Variants in SLC12A6 observed in about 807,000 individuals in gnomAD.
The protein encoded by SLC12A6 is solute carrier family 12 member 6.
SLC12A6 carries 66 observed loss-of-function variants against 135.3 expected under a neutral mutation model. The ratio of observed to expected loss-of-function variants is 0.49; its 90% CI spans 0.40 to 0.60. SLC12A6 has a LOEUF of 0.60. Ranked by LOEUF, SLC12A6 falls within the 20% of genes least tolerant of loss-of-function variation. SLC12A6 has a pLI of 0.00. For synonymous variants in SLC12A6, 513 were observed against 508.8 expected (o/e 1.01, Z -0.11); for missense variants, 1,058 against 1,452.3 (o/e 0.73, Z 4.41).
intron 2 of SLC12A6, among the ~76,000 whole-genome samples, chr15:34,291,060 T>C (rs1337746776): frequency 6.6e-6 from 1 of 152,204 alleles, no homozygotes; most frequent in Non-Finnish European, 1.5e-5. Context: ...TTAATTGATG[T>C]AGTTTCTTCA....
chr15:34,312,062 T>C (rs529338556), intron 2 of SLC12A6, among the ~76,000 whole-genome samples: 11 of 152,378 alleles, frequency 7.2e-5, no homozygotes, highest in African/African-American at 2.4e-4. Context: ...CATAATCCCA[T>C]GTAATCCTCA....
chr15:34,256,420 T>C (rs552639067), intron 6 of SLC12A6, 137 bp from the exon 7 acceptor site: 20 of 693,308 alleles, frequency 2.9e-5, no homozygotes, highest in South Asian at 2.9e-4. Flanking sequence ...CCTAATGGTA[T>C]GGAAATAAGA....
chr15:34,272,639 C>G (rs1894042957), intron 3 of SLC12A6, among the ~76,000 whole-genome samples: 1 of 152,168 alleles, frequency 6.6e-6, no homozygotes, highest in Non-Finnish European at 1.5e-5. Flanking sequence ...TTGAAGCAGT[C>G]TCTTTGCAAA....
chr15:34,270,577 C>T (rs548494953), intron 3 of SLC12A6, among the ~76,000 whole-genome samples: 11 of 152,110 alleles, frequency 7.2e-5, no homozygotes, highest in East Asian at 1.9e-4. Flanking sequence ...ACGAGACAGG[C>T]GGATCACTTG....
At chr15:34,290,889 T>C (rs1895471971) in intron 2 of SLC12A6, among the ~76,000 whole-genome samples, 1 of 152,230 alleles carries the variant, frequency 6.6e-6, no homozygotes, top group East Asian at 1.9e-4. Flanking sequence ...GCACGTGAGA[T>C]GGGTCTCCTG....
intron 3 of SLC12A6, among the ~76,000 whole-genome samples, chr15:34,268,858 TC>T (rs772873143): frequency 1.4e-4 from 21 of 147,566 alleles, no homozygotes; most frequent in African/African-American, 5.2e-4. Flanking sequence ...TTTTTTTCTT[TC>T]TTTCTTTTTT....
chr15:34,243,953 G>C, intron 16 of SLC12A6, 21 bp downstream of exon 16: 1 of 1,371,538 alleles, frequency 7.3e-7, no homozygotes, highest in Non-Finnish European at 1.0e-6. Flanking sequence ...TGAGTAAAAA[G>C]AATAAAAGAA....
intron 2 of SLC12A6, among the ~76,000 whole-genome samples, chr15:34,295,277 C>T (rs1895806402): frequency 6.6e-6 from 1 of 152,178 alleles, no homozygotes; most frequent in Admixed American, 6.5e-5. Context: ...AAAGATAACA[C>T]AGAACTGGGA....
At chr15:34,263,449 T>A (rs1465957666) in intron 3 of SLC12A6, among the ~76,000 whole-genome samples, 8 of 151,888 alleles carry the variant, frequency 5.3e-5, no homozygotes, top group Admixed American at 5.2e-4. Flanking sequence ...AGAAAAAAAA[T>A]TATGTCATTT....
At chr15:34,314,826 TA>T (rs566307709) in intron 2 of SLC12A6, 20,827 of 136,012 alleles carry the variant, frequency 0.15, 1,605 homozygotes, top group South Asian at 0.21. Flanking sequence ...TGACCAGCCT[TA>T]AAAAAAAAAA....
chr15:34,320,683 G>A lies in SLC12A6; in HGVS notation c.271+15727C>T, dbSNP rs555358169. Among the ~76,000 whole-genome samples the A allele has an allele frequency of 2.2e-3, 333 of 151,702 alleles. 3 individuals carry two copies. In the Middle Eastern group the frequency reaches 0.031, roughly 14 times the overall value. Reference sequence around the variant, plus strand: ...TGTAATCCCAGCACTTTGGGAGGCCGAGGCGGGTGGATCAAGAGGTCAGGA... The same window carrying A: ...TGTAATCCCAGCACTTTGGGAGGCCAAGGCGGGTGGATCAAGAGGTCAGGA... On this transcript the variant is annotated intron_variant, in intron 2 of 25. Transcript: ENST00000354181.
intron 2 of SLC12A6, among the ~76,000 whole-genome samples, chr15:34,303,173 A>AG (rs1368586046): frequency 1.3e-5 from 2 of 152,158 alleles, no homozygotes; most frequent in Non-Finnish European, 2.9e-5. Flanking sequence ...AAGGGGAATT[A>AG]GGGGGACTAA....
chr15:34,263,650 GAGAGA>G (rs1893308318), intron 3 of SLC12A6, among the ~76,000 whole-genome samples: 1 of 151,332 alleles, frequency 6.6e-6, no homozygotes, highest in Non-Finnish European at 1.5e-5. Flanking sequence ...AGTCTGGAAG[GAGAGA>G]AGAGAAAAAA....
At chr15:34,320,670 A>T (rs1889015094) in intron 2 of SLC12A6, among the ~76,000 whole-genome samples, 3 of 151,132 alleles carry the variant, frequency 2.0e-5, no homozygotes, top group Non-Finnish European at 4.4e-5. Context: ...TAATCCCAGC[A>T]CTTTGGGAGG....
intron 19 of SLC12A6, among the ~76,000 whole-genome samples, chr15:34,239,756 T>TCTTGGTGGGAAAAAGAA (rs71119952): frequency 1.3e-5 from 2 of 152,086 alleles, no homozygotes; most frequent in Admixed American, 6.5e-5. Flanking sequence ...TACTCCACCC[T>TCTTGGTGGGAAAAAGAA]GGGAATAATG....
At chr15:34,315,049 A>G (rs1323354798) in intron 2 of SLC12A6, among the ~76,000 whole-genome samples, 3 of 152,210 alleles carry the variant, frequency 2.0e-5, no homozygotes, top group Non-Finnish European at 4.4e-5. Flanking sequence ...ATGGTTGAGC[A>G]AAGAAAGTAG....
At chr15:34,282,930 T>C (rs993814049) in intron 2 of SLC12A6, among the ~76,000 whole-genome samples, 3 of 152,218 alleles carry the variant, frequency 2.0e-5, no homozygotes, top group African/African-American at 7.2e-5. Flanking sequence ...GTTCAACCAT[T>C]CCTGTGTTTA....
chr15:34,290,273 T>C (rs1235415163), intron 2 of SLC12A6, among the ~76,000 whole-genome samples: 1 of 152,222 alleles, frequency 6.6e-6, no homozygotes, highest in African/African-American at 2.4e-5. Flanking sequence ...TCATTTTCCA[T>C]GTAGTTGCGT....
At chr15:34,279,536 C>T (rs2092935614) in intron 2 of SLC12A6, among the ~76,000 whole-genome samples, 1 of 152,094 alleles carries the variant, frequency 6.6e-6, no homozygotes, top group African/African-American at 2.4e-5. Context: ...GTCTGAGCAC[C>T]CTTCAATTGT....
Sources: gnomAD v4.1 joint callset for allele counts (sites outside exome capture counted in the v4.1 genomes callset) on GRCh38, gnomAD v4.1.1 for gene constraint, MANE v1.5 for transcripts, NCBI Gene and HGNC (gene_info 2026-07-23, HGNC 2026-07-21) for gene names.